Variants in TENM3 observed in about 807,000 individuals in gnomAD.
TENM3 encodes the protein teneurin transmembrane protein 3.
TENM3 carries 63 observed loss-of-function variants against 255.1 expected under a neutral mutation model. The ratio of observed to expected loss-of-function variants is 0.25; its 90% confidence interval spans 0.20 to 0.30. TENM3 has a LOEUF of 0.30. TENM3 is among the 10% of genes least tolerant of loss of function. The pLI, the probability that TENM3 is intolerant of heterozygous loss-of-function variation, is 1.00. For synonymous variants in TENM3, 1,306 were observed against 1,322.3 expected (o/e 0.99, Z 0.27); for missense variants, 2,929 against 3,461.1 (o/e 0.85, Z 3.86).
the TENM3 span, among the ~76,000 whole-genome samples, chr4:181,827,613 C>T: frequency 6.6e-6 from 1 of 152,208 alleles, no homozygotes; most frequent in African/African-American, 2.4e-5. Flanking sequence ...CCCTGACAGT[C>T]ACGATTTGCA....
At chr4:182,011,854 T>C in the TENM3 span, among the ~76,000 whole-genome samples, 1 of 152,168 alleles carries the variant, frequency 6.6e-6, no homozygotes, top group East Asian at 1.9e-4. Context: ...CTTTCAAGGA[T>C]AGGTCATATT....
chr4:182,032,068 G>T, the TENM3 span, among the ~76,000 whole-genome samples: 1 of 152,088 alleles, frequency 6.6e-6, no homozygotes, highest in Admixed American at 6.6e-5. Context: ...GATTGCCCTA[G>T]GCAGAACTTC....
chr4:182,579,646 AATGAC>A (rs1346481917), intron 3 of TENM3, among the ~76,000 whole-genome samples: 1 of 152,190 alleles, frequency 6.6e-6, no homozygotes, highest in Non-Finnish European at 1.5e-5. Flanking sequence ...GTAGAAGAGT[AATGAC>A]ATTACATTGG....
At chr4:182,440,112 A>AC (rs1161800440) in intron 3 of TENM3, among the ~76,000 whole-genome samples, 3 of 84,270 alleles carry the variant, frequency 3.6e-5, no homozygotes, top group Non-Finnish European at 6.5e-5. Flanking sequence ...CCTGGTGGGC[A>AC]CCTTTTTTTT....
chr4:181,894,567 G>A, the TENM3 span, among the ~76,000 whole-genome samples: 2 of 152,070 alleles, frequency 1.3e-5, no homozygotes, highest in East Asian at 1.9e-4. Flanking sequence ...TCGGTTTATC[G>A]TATTTATAAA....
chr4:182,233,670 C>T (rs1022567239), intron 1 of TENM3, among the ~76,000 whole-genome samples: 6 of 152,282 alleles, frequency 3.9e-5, no homozygotes, highest in African/African-American at 1.2e-4. Context: ...TACAGCTTAT[C>T]GTCAAGCAGA....
chr4:182,621,952 G>A (rs1750317691), intron 4 of TENM3, among the ~76,000 whole-genome samples: 1 of 149,200 alleles, frequency 6.7e-6, no homozygotes, highest in African/African-American at 2.5e-5. Context: ...ACCAGCCTGA[G>A]CAGCTGGAGT....
At chr4:181,931,908 C>A in the TENM3 span, among the ~76,000 whole-genome samples, 3 of 152,154 alleles carry the variant, frequency 2.0e-5, no homozygotes, top group Non-Finnish European at 2.9e-5. Flanking sequence ...CAAAAACAAG[C>A]AATGGGCAAA....
chr4:181,820,540 C>A, the TENM3 span, among the ~76,000 whole-genome samples: 1 of 151,900 alleles, frequency 6.6e-6, no homozygotes, highest in Non-Finnish European at 1.5e-5. Flanking sequence ...AAAGCCTTCA[C>A]CCCTCAGCAT....
the TENM3 span, among the ~76,000 whole-genome samples, chr4:181,665,674 A>G: frequency 6.6e-6 from 1 of 152,080 alleles, no homozygotes; most frequent in Non-Finnish European, 1.5e-5. Flanking sequence ...TATTATGTAC[A>G]CATATATGTA....
At chr4:182,371,321 A>C (rs1766797975) in intron 3 of TENM3, among the ~76,000 whole-genome samples, 1 of 151,594 alleles carries the variant, frequency 6.6e-6, no homozygotes, top group African/African-American at 2.4e-5. Flanking sequence ...TTGCCTTTTT[A>C]ATGATAATAA....
the TENM3 span, among the ~76,000 whole-genome samples, chr4:182,015,674 C>G: frequency 1.3e-5 from 2 of 152,074 alleles, no homozygotes; most frequent in Admixed American, 6.6e-5. Flanking sequence ...GATTCTCCTG[C>G]CTCAGCCTCC....
chr4:181,624,268 A>C, the TENM3 span, among the ~76,000 whole-genome samples: 1 of 152,194 alleles, frequency 6.6e-6, no homozygotes, highest in African/African-American at 2.4e-5. Flanking sequence ...TGCTGTCCCC[A>C]GCATCGCCAC....
At chr4:182,290,000 C>T (rs1007185628) in intron 1 of TENM3, among the ~76,000 whole-genome samples, 1 of 152,108 alleles carries the variant, frequency 6.6e-6, no homozygotes, top group African/African-American at 2.4e-5. Flanking sequence ...GTCACTCCCG[C>T]TCGTGCCCTA....
chr4:181,923,179 T>C, the TENM3 span, among the ~76,000 whole-genome samples: 1 of 152,094 alleles, frequency 6.6e-6, no homozygotes, highest in African/African-American at 2.4e-5. Flanking sequence ...TTGGAATAGG[T>C]GTGGTGCGGT....
chr4:181,589,180 T>C, the TENM3 span, among the ~76,000 whole-genome samples: 1 of 152,220 alleles, frequency 6.6e-6, no homozygotes. Context: ...AAAAGGAGAC[T>C]GGACAAAATA....
At chr4:182,395,896 G>C (rs1768773201) in intron 3 of TENM3, among the ~76,000 whole-genome samples, 2 of 152,146 alleles carry the variant, frequency 1.3e-5, no homozygotes, top group African/African-American at 2.4e-5. Flanking sequence ...AGGAAGAGAA[G>C]AACTTGCCTA....
At chr4:182,656,715 A>G (rs1297718933) in intron 6 of TENM3, among the ~76,000 whole-genome samples, 3 of 152,184 alleles carry the variant, frequency 2.0e-5, no homozygotes, top group African/African-American at 7.2e-5. Context: ...TAAATGTAAT[A>G]CTCTTACTTG....
At chr4:181,592,722 G>A in the TENM3 span, among the ~76,000 whole-genome samples, 1 of 150,316 alleles carries the variant, frequency 6.7e-6, no homozygotes, top group African/African-American at 2.5e-5. Context: ...AAGTGGAGAA[G>A]CAAACTTTTC....
Sources: allele counts gnomAD v4.1 joint callset (sites outside exome capture counted in the v4.1 genomes callset), GRCh38; gene constraint gnomAD v4.1.1; transcripts MANE v1.5; gene names NCBI Gene and HGNC (gene_info 2026-07-23, HGNC 2026-07-21).